Variants in CFHR4 observed in about 807,000 individuals in gnomAD.
CFHR4 encodes complement factor H related 4, also known as complement factor H-related protein 4.
CFHR4 carries 64 observed loss-of-function variants against 69.3 expected under a neutral mutation model. The observed-to-expected ratio is 0.92, with a 90% confidence interval of 0.76 to 1.14. The LOEUF (loss-of-function observed/expected upper bound fraction) is 1.14. CFHR4 is among the 50% of genes most tolerant of loss of function. CFHR4 has a pLI of 0.00. For synonymous variants in CFHR4, 244 were observed against 237.0 expected (o/e 1.03, Z -0.27); for missense variants, 636 against 684.9 (o/e 0.93, Z 0.80).
At chr1:196,904,963 G>A in intron 2 of CFHR4, 145 bp from the exon 3 acceptor site, 1 of 781,644 alleles carries the variant, frequency 1.3e-6, no homozygotes, top group Non-Finnish European at 1.9e-6. Flanking sequence ...ATTCACAGAT[G>A]TCTAGGAAAC....
rs536309265 is a variant in CFHR4, at chr1:196,907,386, G to C, written c.687G>C (p.Val229=). 1.6e-5 allele frequency: 26 copies of C among 1,611,986 alleles called. No homozygotes were observed. The highest frequency in any genetic ancestry group is 2.1e-5 in the Non-Finnish European group (25 of 1,179,100). ...NGDTTSFPQK[V]YLPWSRVEYQ... is the part of the protein sequence containing the mutation. ...ATACCACGTCCTTCCCGCAAAAAGTGTATCTGCCATGGTCAAGAGTCGAGT... is the reference window on the plus strand; with the variant it reads ...ATACCACGTCCTTCCCGCAAAAAGTCTATCTGCCATGGTCAAGAGTCGAGT... The change falls in exon 5 of 10, where the codon GTG becomes GTC. Residue 229 remains valine, a synonymous_variant. Coordinates refer to ENST00000608469, the MANE Select transcript of CFHR4 (RefSeq NM_001201550.3).
intron 1 of CFHR4, among the ~76,000 whole-genome samples, chr1:196,896,695 A>C (rs1657312192): frequency 6.6e-6 from 1 of 151,496 alleles, no homozygotes. Flanking sequence ...AGTGCAACTT[A>C]CGATCCAAGT....
intron 1 of CFHR4, among the ~76,000 whole-genome samples, chr1:196,901,900 G>A (rs1202919027): frequency 6.6e-6 from 1 of 151,322 alleles, no homozygotes; most frequent in Non-Finnish European, 1.5e-5. Context: ...TAGAAATCTT[G>A]TCTTAATAAC....
At chr1:196,895,475 T>A (rs1289417565) in intron 1 of CFHR4, among the ~76,000 whole-genome samples, 1 of 151,576 alleles carries the variant, frequency 6.6e-6, no homozygotes, top group Non-Finnish European at 1.5e-5. Context: ...TAATTTCTTT[T>A]TCTGTTATTC....
chr1:196,906,788 C>T, intron 3 of CFHR4, 73 bp from the exon 4 acceptor site: 1 of 1,459,662 alleles, frequency 6.9e-7, no homozygotes. Context: ...TTTATTCCTA[C>T]AATGGGACTT....
chr1:196,914,363 G>C lies in CFHR4; in HGVS notation c.1181-132G>C, dbSNP rs956352463. Reference sequence around the variant, plus strand: ...ATAGCACAAAAAGCACTGATTGTCAGACTATTTTTAATAGTACTCAATTTA... The same window carrying C: ...ATAGCACAAAAAGCACTGATTGTCACACTATTTTTAATAGTACTCAATTTA... On this transcript the variant is annotated intron_variant, in intron 7 of 9. Coordinates refer to ENST00000608469, the MANE Select transcript of CFHR4 (RefSeq NM_001201550.3). The C allele has an allele frequency of 9.8e-6, 8 of 820,420 alleles. 1 individual carries two copies. The African/African-American group carries it at 1.4e-4, about 15-fold the overall frequency. The allele number at this position is 820,420 out of a possible 1,614,324, so 50.8% of individuals were successfully genotyped here.
chr1:196,901,410 G>T (rs1000425966), intron 1 of CFHR4, among the ~76,000 whole-genome samples: 2 of 151,340 alleles, frequency 1.3e-5, no homozygotes, highest in African/African-American at 4.9e-5. Context: ...TGTAGAAACT[G>T]CCTGAAAATC....
intron 1 of CFHR4, among the ~76,000 whole-genome samples, chr1:196,896,190 T>C (rs1324316083): frequency 6.6e-6 from 1 of 151,050 alleles, no homozygotes; most frequent in African/African-American, 2.5e-5. Context: ...CTCCTCCTTC[T>C]ACATGTTTGT....
intron 1 of CFHR4, among the ~76,000 whole-genome samples, chr1:196,894,398 G>A (rs1007832024): frequency 6.6e-6 from 1 of 151,292 alleles, no homozygotes; most frequent in African/African-American, 2.4e-5. Context: ...CTTTATTGAG[G>A]TCATTATTTC....
At chr1:196,890,903 T>G (rs1656992173) in intron 1 of CFHR4, among the ~76,000 whole-genome samples, 1 of 151,534 alleles carries the variant, frequency 6.6e-6, no homozygotes, top group African/African-American at 2.4e-5. Flanking sequence ...AGAAACGATT[T>G]TTAGAAATGA....
intron 9 of CFHR4, among the ~76,000 whole-genome samples, chr1:196,915,509 C>A (rs550551132): frequency 1.1e-4 from 17 of 151,346 alleles, no homozygotes; most frequent in Non-Finnish European, 2.4e-4. Context: ...CTGGCATATG[C>A]CTGTAATCCT....
intron 1 of CFHR4, among the ~76,000 whole-genome samples, chr1:196,889,601 T>A (rs1393919193): frequency 6.6e-6 from 1 of 151,544 alleles, no homozygotes; most frequent in Non-Finnish European, 1.5e-5. Context: ...TCTTGTAAAT[T>A]TGGGTCACAC....
chr1:196,895,523 C>T (rs1657250027), intron 1 of CFHR4, among the ~76,000 whole-genome samples: 1 of 151,346 alleles, frequency 6.6e-6, no homozygotes, highest in African/African-American at 2.4e-5. Context: ...ATTGTTAATT[C>T]TTTCATCTGC....
intron 6 of CFHR4, 49 bp downstream of exon 6, chr1:196,910,527 G>A: frequency 6.9e-7 from 1 of 1,447,348 alleles, no homozygotes; most frequent in Non-Finnish European, 9.6e-7. Context: ...TGCAAAGAAT[G>A]GAGAGAGAAG....
At chr1:196,913,840 C>CACATTT (rs1658419605) in intron 7 of CFHR4, among the ~76,000 whole-genome samples, 1 of 151,230 alleles carries the variant, frequency 6.6e-6, no homozygotes, top group South Asian at 2.1e-4. Context: ...AAAAGAAAGA[C>CACATTT]ACATTTACAA....
intron 3 of CFHR4, among the ~76,000 whole-genome samples, chr1:196,906,334 C>A (rs542619317): frequency 3.3e-5 from 5 of 151,356 alleles, no homozygotes; most frequent in African/African-American, 7.3e-5. Flanking sequence ...ACGGGCTCTG[C>A]AAAAGACAAA....
At chr1:196,902,734 GC>G in intron 2 of CFHR4, 119 bp downstream of exon 2, 1 of 708,656 alleles carries the variant, frequency 1.4e-6, no homozygotes, top group Non-Finnish European at 2.3e-6. Flanking sequence ...AGTTGTTCAA[GC>G]AAAAAGACCA....
chr1:196,910,771 G>A (rs1286342037), intron 6 of CFHR4, among the ~76,000 whole-genome samples: 1 of 151,406 alleles, frequency 6.6e-6, no homozygotes, highest in Non-Finnish European at 1.5e-5. Context: ...TTTAGTAGTA[G>A]CTTTAGTTTT....
intron 1 of CFHR4, among the ~76,000 whole-genome samples, chr1:196,890,403 G>A (rs778776581): frequency 3.6e-4 from 54 of 151,554 alleles, no homozygotes; most frequent in Non-Finnish European, 6.0e-4. Context: ...TGGAAGCCAC[G>A]CTATTTGAAA....
Sources: allele counts gnomAD v4.1 joint callset (sites outside exome capture counted in the v4.1 genomes callset), GRCh38; gene constraint gnomAD v4.1.1; transcripts MANE v1.5; gene names NCBI Gene and HGNC (gene_info 2026-07-23, HGNC 2026-07-21).